Variants in MNAT1 observed in about 807,000 individuals in gnomAD.
The protein encoded by MNAT1 is MNAT1 component of CDK activating kinase.
In MNAT1, 43 loss-of-function variants were observed where a neutral mutation model predicts 42.0. The ratio of observed to expected loss-of-function variants is 1.02; its 90% CI spans 0.80 to 1.32. The LOEUF is 1.32. Ranked by LOEUF, MNAT1 falls within the 40% of genes most tolerant of loss-of-function variation. The pLI is 0.00. For missense variants in MNAT1, 306 were observed against 350.4 expected (o/e 0.87, Z 1.01); for synonymous variants, 118 against 120.0 (o/e 0.98, Z 0.11).
intron 6 of MNAT1, among the ~76,000 whole-genome samples, chr14:60,860,387 C>T (rs188574570): frequency 7.2e-4 from 83 of 114,536 alleles, no homozygotes; most frequent in East Asian, 6.8e-3. Flanking sequence ...GAGTCTTACT[C>T]TGTCGCCTAG....
At chr14:60,951,447 C>G (rs2036383515) in intron 7 of MNAT1, among the ~76,000 whole-genome samples, 1 of 151,582 alleles carries the variant, frequency 6.6e-6, no homozygotes, top group Admixed American at 6.6e-5. Flanking sequence ...GGGGAGAGCT[C>G]TACTGTATTT....
chr14:60,923,990 A>C (rs2035715440), intron 7 of MNAT1, among the ~76,000 whole-genome samples: 1 of 152,194 alleles, frequency 6.6e-6, no homozygotes, highest in African/African-American at 2.4e-5. Flanking sequence ...TTGAGGTGTA[A>C]GTGACTTAAC....
intron 2 of MNAT1, 95 bp from the exon 3 acceptor site, chr14:60,797,992 A>G (rs2032073243): frequency 8.1e-6 from 5 of 614,962 alleles, no homozygotes; most frequent in Admixed American, 2.7e-5. Flanking sequence ...TTTTCCATGT[A>G]TCATATATGA....
chr14:60,836,985 G>A (rs980439783), intron 6 of MNAT1, among the ~76,000 whole-genome samples: 3 of 152,128 alleles, frequency 2.0e-5, no homozygotes, highest in Non-Finnish European at 4.4e-5. Flanking sequence ...CAGCTTTGTG[G>A]CACTGCCAAA....
At chr14:60,890,496 CA>C (rs918222221) in intron 7 of MNAT1, among the ~76,000 whole-genome samples, 1 of 152,224 alleles carries the variant, frequency 6.6e-6, no homozygotes, top group African/African-American at 2.4e-5. Flanking sequence ...CTCACACGAT[CA>C]CAAGGTGAAG....
chr14:60,848,716 G>A (rs2033742130), intron 6 of MNAT1, among the ~76,000 whole-genome samples: 1 of 151,748 alleles, frequency 6.6e-6, no homozygotes, highest in African/African-American at 2.4e-5. Flanking sequence ...CTCTATATAT[G>A]TCACATAAAA....
intron 7 of MNAT1, among the ~76,000 whole-genome samples, chr14:60,965,304 A>G (rs966351880): frequency 6.6e-6 from 1 of 152,238 alleles, no homozygotes. Context: ...TCAAGCACTA[A>G]TCATTTAGAT....
intron 5 of MNAT1, among the ~76,000 whole-genome samples, chr14:60,815,881 T>A (rs1407268309): frequency 6.6e-6 from 1 of 152,238 alleles, no homozygotes; most frequent in East Asian, 1.9e-4. Flanking sequence ...TTTTGTTATG[T>A]TTATTTTTCA....
chr14:60,794,660 A>AAAAAAATATAT (rs1555375163), intron 1 of MNAT1, among the ~76,000 whole-genome samples: 1 of 28,634 alleles, frequency 3.5e-5, no homozygotes, highest in African/African-American at 1.4e-4. Flanking sequence ...AAAAAAAAAA[A>AAAAAAATATAT]ATATATATAT....
intron 6 of MNAT1, among the ~76,000 whole-genome samples, chr14:60,867,237 T>C (rs2034223068): frequency 6.6e-6 from 1 of 152,134 alleles, no homozygotes; most frequent in South Asian, 2.1e-4. Flanking sequence ...GAACTGAACG[T>C]TGCTGAAGAG....
At chr14:60,931,457 G>C (rs1214236659) in intron 7 of MNAT1, among the ~76,000 whole-genome samples, 2 of 152,176 alleles carry the variant, frequency 1.3e-5, no homozygotes, top group African/African-American at 4.8e-5. Flanking sequence ...CAGAGAGTAT[G>C]TGCAGCTGCC....
intron 7 of MNAT1, among the ~76,000 whole-genome samples, chr14:60,886,391 G>A (rs1325300908): frequency 2.6e-5 from 4 of 151,728 alleles, no homozygotes; most frequent in South Asian, 4.2e-4. Context: ...ATTTGTTGCC[G>A]TTTATTTATG....
chr14:60,812,110 G>C lies in MNAT1; in HGVS notation c.544G>C (p.Ala182Pro). ...GATTCTAAAAAGGAAGAATAAGCAG[G>C]CTTTTTTAGATGAGCTGGTATGTAT... ...QQILKRKNKQAFLDELESSDL... is the reference protein window; with the variant it reads ...QQILKRKNKQPFLDELESSDL... Residue 182 changes from alanine (A) to proline (P), a missense_variant, in exon 5 of 8, where the codon GCT becomes CCT. Physicochemically the swap from Ala to Pro is conservative, Grantham distance 27. Transcript: ENST00000261245. The C allele has an allele frequency of 6.3e-7, 1 of 1,581,402 alleles. No individual in the cohort carries two copies. The highest frequency in any genetic ancestry group is 8.6e-7 in the Non-Finnish European group (1 of 1,168,454).
chr14:60,946,835 T>C (rs2036285836), intron 7 of MNAT1, among the ~76,000 whole-genome samples: 1 of 152,252 alleles, frequency 6.6e-6, no homozygotes, highest in Non-Finnish European at 1.5e-5. Flanking sequence ...TCAACTGCTA[T>C]AACCAAATAC....
chr14:60,926,211 C>T (rs927857562), intron 7 of MNAT1, among the ~76,000 whole-genome samples: 1 of 152,244 alleles, frequency 6.6e-6, no homozygotes, highest in Non-Finnish European at 1.5e-5. Context: ...CCTACTCTCA[C>T]ACACCACAGT....
intron 7 of MNAT1, among the ~76,000 whole-genome samples, chr14:60,953,217 T>G (rs2036416601): frequency 6.6e-6 from 1 of 152,192 alleles, no homozygotes; most frequent in South Asian, 2.1e-4. Flanking sequence ...TATGTTTGAA[T>G]CTATACAAAT....
At chr14:60,758,064 A>C (rs2140297792) in intron 1 of MNAT1, among the ~76,000 whole-genome samples, 1 of 152,290 alleles carries the variant, frequency 6.6e-6, no homozygotes, top group South Asian at 2.1e-4. Context: ...CAAATAAGAA[A>C]TCTGAGGTCA....
Position 60,837,084 on chromosome 14 carries a change from A to C in MNAT1, c.687+18237A>C, listed in dbSNP as rs533875260. On this transcript the variant is annotated intron_variant, in intron 6 of 7. Coordinates refer to ENST00000261245, the MANE Select transcript of MNAT1 (RefSeq NM_002431.4). ...GATGCCCCTACCCCCACCAAGCTCA[A>C]GTGTCCCAGTTCGACTTCAGACTGT... 3.9e-5 allele frequency among the ~76,000 whole-genome samples: 6 copies of C among 152,294 alleles called. No homozygotes were observed. The East Asian group carries it at 1.2e-3, about 29-fold the overall frequency.
chr14:60,829,111 G>A (rs1276528257), intron 6 of MNAT1, among the ~76,000 whole-genome samples: 2 of 152,062 alleles, frequency 1.3e-5, no homozygotes, highest in Non-Finnish European at 2.9e-5. Context: ...CTTTCCAGAG[G>A]TTGGTGGAAC....
Sources: gnomAD v4.1 joint callset for allele counts (sites outside exome capture counted in the v4.1 genomes callset) on GRCh38, gnomAD v4.1.1 for gene constraint, MANE v1.5 for transcripts, NCBI Gene and HGNC (gene_info 2026-07-23, HGNC 2026-07-21) for gene names.